The following XRCC4 variants were observed in gnomAD, a reference collection of about 807,000 sequenced individuals.
XRCC4 encodes the protein X-ray repair cross complementing 4, also known as DNA repair protein XRCC4.
Under a neutral mutation model 39.1 loss-of-function variants are expected in XRCC4, and 28 were observed. The ratio of observed to expected loss-of-function variants is 0.72; its 90% CI spans 0.53 to 0.98. XRCC4 has a LOEUF of 0.98. XRCC4 is among the 50% of genes least tolerant of loss of function. The pLI, the probability that XRCC4 is intolerant of heterozygous loss-of-function variation, is 0.00. For missense variants in XRCC4, 350 were observed against 376.4 expected (o/e 0.93, Z 0.58); for synonymous variants, 123 against 126.4 (o/e 0.97, Z 0.18).
chr5:83,349,707 G>A (rs1451434567), intron 7 of XRCC4, among the ~76,000 whole-genome samples: 1 of 152,106 alleles, frequency 6.6e-6, no homozygotes, highest in Non-Finnish European at 1.5e-5. Context: ...CTGGTTCACA[G>A]TATCTAAACA....
At chr5:83,095,961 C>T (rs1316736059) in intron 1 of XRCC4, among the ~76,000 whole-genome samples, 4 of 151,870 alleles carry the variant, frequency 2.6e-5, no homozygotes, top group Non-Finnish European at 5.9e-5. Flanking sequence ...GAGGCAGACA[C>T]ACCCGTTGCA....
Position 83,353,344 on chromosome 5 carries a change from C to A in XRCC4, c.*102C>A. 2.2e-6 allele frequency: 2 copies of A among 896,298 alleles called. No homozygotes were observed. The highest frequency in any genetic ancestry group is 1.9e-5 in the South Asian group (1 of 53,090). 55.5% of individuals were successfully genotyped at this position (896,298 alleles called of 1,614,324 possible). A position where few individuals can be genotyped will look rare whatever the true frequency, so the allele number is the denominator to read the frequency against. On this transcript the variant is annotated 3_prime_UTR_variant, in exon 8 of 8. Coordinates refer to ENST00000396027, the MANE Select transcript of XRCC4 (RefSeq NM_003401.5). ...AAGTCAGCAGCCGCTATTACCGTAT[C>A]TTACAATTTAATTACATACACAGTG...
intron 3 of XRCC4, among the ~76,000 whole-genome samples, chr5:83,118,354 TAC>T (rs1746842395): frequency 6.6e-6 from 1 of 151,674 alleles, no homozygotes; most frequent in Non-Finnish European, 1.5e-5. Context: ...TAGTCTGGAG[TAC>T]AGTGATGTGA....
At chr5:83,113,925 G>T (rs10071579) in intron 3 of XRCC4, among the ~76,000 whole-genome samples, 2 of 152,148 alleles carry the variant, frequency 1.3e-5, no homozygotes, top group Non-Finnish European at 2.9e-5. Flanking sequence ...CGCACCCAGC[G>T]CAGACATTTC....
At chr5:83,158,142 T>C (rs1749046995) in intron 3 of XRCC4, among the ~76,000 whole-genome samples, 2 of 152,230 alleles carry the variant, frequency 1.3e-5, no homozygotes, top group East Asian at 3.9e-4. Context: ...TTACGTTCAA[T>C]ACCTTTAACT....
intron 6 of XRCC4, among the ~76,000 whole-genome samples, chr5:83,236,773 G>A (rs1284647547): frequency 1.3e-5 from 2 of 150,836 alleles, no homozygotes; most frequent in African/African-American, 2.4e-5. Flanking sequence ...ACAAAGTGAA[G>A]AGAACAACCC....
At chr5:83,106,735 T>G (rs916628553) in intron 2 of XRCC4, among the ~76,000 whole-genome samples, 14 of 152,024 alleles carry the variant, frequency 9.2e-5, no homozygotes, top group African/African-American at 3.4e-4. Flanking sequence ...TGGTACTGAT[T>G]TATACTGAGG....
chr5:83,306,360 C>T (rs1201467985), intron 7 of XRCC4, among the ~76,000 whole-genome samples: 2 of 152,112 alleles, frequency 1.3e-5, no homozygotes, highest in Admixed American at 1.3e-4. Flanking sequence ...GTTCATCTCA[C>T]TTCAAATACA....
intron 7 of XRCC4, among the ~76,000 whole-genome samples, chr5:83,338,413 G>A (rs1475020978): frequency 6.6e-6 from 1 of 152,102 alleles, no homozygotes; most frequent in Non-Finnish European, 1.5e-5. Flanking sequence ...AATTAATTAT[G>A]TATTGAATTC....
chr5:83,256,783 G>T (rs1445631531), intron 6 of XRCC4, among the ~76,000 whole-genome samples: 2 of 151,982 alleles, frequency 1.3e-5, no homozygotes, highest in East Asian at 3.9e-4. Context: ...TTTGATCAAA[G>T]AATAATTTAC....
intron 7 of XRCC4, among the ~76,000 whole-genome samples, chr5:83,272,690 G>C (rs1256672581): frequency 6.6e-6 from 1 of 151,886 alleles, no homozygotes; most frequent in Non-Finnish European, 1.5e-5. Context: ...TTGGTTTTCT[G>C]TTCCTGTTAG....
intron 7 of XRCC4, chr5:83,280,597 C>A: frequency 2.4e-6 from 1 of 419,598 alleles, no homozygotes; most frequent in South Asian, 3.6e-5. Context: ...CAGATGGCAT[C>A]CCAAGACCAC....
intron 3 of XRCC4, among the ~76,000 whole-genome samples, chr5:83,131,205 T>G (rs952673412): frequency 2.0e-5 from 3 of 152,206 alleles, no homozygotes; most frequent in Admixed American, 6.5e-5. Context: ...ACATCTTTAT[T>G]TCTGCCTTCA....
intron 7 of XRCC4, among the ~76,000 whole-genome samples, chr5:83,344,991 C>T (rs545475089): frequency 6.6e-6 from 1 of 152,112 alleles, no homozygotes; most frequent in Non-Finnish European, 1.5e-5. Context: ...TTTCCTTGGT[C>T]GCTAATGAAG....
intron 3 of XRCC4, among the ~76,000 whole-genome samples, chr5:83,140,459 T>C (rs1748115384): frequency 6.6e-6 from 1 of 152,162 alleles, no homozygotes; most frequent in Non-Finnish European, 1.5e-5. Flanking sequence ...CTAGCCGCAC[T>C]GGCAGCCCAT....
At chr5:83,216,115 A>C (rs1751848940) in intron 6 of XRCC4, among the ~76,000 whole-genome samples, 1 of 152,220 alleles carries the variant, frequency 6.6e-6, no homozygotes, top group Non-Finnish European at 1.5e-5. Flanking sequence ...ACAACTCAAT[A>C]ATAAGAAAAT....
intron 3 of XRCC4, among the ~76,000 whole-genome samples, chr5:83,136,201 T>C (rs1266346704): frequency 6.6e-6 from 1 of 152,216 alleles, no homozygotes; most frequent in Admixed American, 6.5e-5. Flanking sequence ...AATTTTGTGA[T>C]TATATGTGGT....
At chr5:83,178,983 T>C (rs573616402) in intron 3 of XRCC4, among the ~76,000 whole-genome samples, 1 of 152,294 alleles carries the variant, frequency 6.6e-6, no homozygotes, top group South Asian at 2.1e-4. Flanking sequence ...CGTGGCTAGC[T>C]CTTATTTAGC....
intron 7 of XRCC4, among the ~76,000 whole-genome samples, chr5:83,342,033 G>A (rs542108683): frequency 3.3e-5 from 5 of 152,144 alleles, no homozygotes; most frequent in Admixed American, 3.3e-4. Flanking sequence ...TTCCACCAAC[G>A]TGACAGTTTT....
Sources: gnomAD v4.1 joint callset for allele counts (sites outside exome capture counted in the v4.1 genomes callset) on GRCh38, gnomAD v4.1.1 for gene constraint, MANE v1.5 for transcripts, NCBI Gene and HGNC (gene_info 2026-07-23, HGNC 2026-07-21) for gene names.